The following CABLES1 variants were observed in gnomAD, a reference collection of about 807,000 sequenced individuals.
CABLES1 encodes Cdk5 and Abl enzyme substrate 1, also known as CDK5 and ABL1 enzyme substrate 1.
A neutral mutation model predicts 57.8 loss-of-function variants in CABLES1; 36 were observed. The observed-to-expected ratio is 0.62, with a 90% CI of 0.48 to 0.82. The LOEUF is 0.82. Ranked by LOEUF, CABLES1 falls within the 40% of genes least tolerant of loss-of-function variation. The pLI is 0.00. For synonymous variants in CABLES1, 374 were observed against 363.0 expected, an observed-to-expected ratio of 1.03 and a Z score of -0.35; for missense variants, 767 against 836.6, an observed-to-expected ratio of 0.92 and a Z score of 1.03.
intron 3 of CABLES1, chr18:23,197,127 G>T (rs2047290048): frequency 6.6e-6 from 1 of 152,240 alleles, no homozygotes; most frequent in African/African-American, 2.4e-5. Context: ...TTTTGAGACA[G>T]AAAGGGGAAA....
At chr18:23,147,765 A>C (rs2046900599) in intron 1 of CABLES1, among the ~76,000 whole-genome samples, 1 of 152,182 alleles carries the variant, frequency 6.6e-6, no homozygotes, top group Non-Finnish European at 1.5e-5. Flanking sequence ...GTACCTTTAG[A>C]GCAATGAGGC....
intron 4 of CABLES1, among the ~76,000 whole-genome samples, chr18:23,222,398 G>T (rs574514764): frequency 6.6e-6 from 1 of 151,984 alleles, no homozygotes; most frequent in Admixed American, 6.6e-5. Flanking sequence ...AATCCTCAAG[G>T]TATCTGCAGC....
At chr18:23,206,321 T>G (rs77791315) in intron 3 of CABLES1, among the ~76,000 whole-genome samples, 6,787 of 152,322 alleles carry the variant, frequency 0.045, 166 homozygotes, top group Middle Eastern at 0.078. Flanking sequence ...GCCTCACATT[T>G]GGACTCATGC....
chr18:23,203,698 T>C (rs2047342521), intron 3 of CABLES1, among the ~76,000 whole-genome samples: 1 of 152,068 alleles, frequency 6.6e-6, no homozygotes, highest in African/African-American at 2.4e-5. Context: ...GGAAGTGGCA[T>C]GTTTCAAAAA....
In CABLES1 at chr18:23,248,533, TTTTTTA is replaced by T. The variant is rs1463723551; in HGVS notation, c.1447-4426_1447-4421del. ...ATGTCTTTTTTTTTTTTTTTTTTTT[TTTTTTA>T]AAAAAAGGCTGGACGTGGTGGCTCA... is the stretch of plus-strand genomic sequence containing the variant. On this transcript the variant is annotated intron_variant, in intron 7 of 9. Transcript: ENST00000256925. 9.6e-3 allele frequency among the ~76,000 whole-genome samples: 1,312 copies of T among 137,172 alleles called. 32 individuals carry two copies. Among genetic ancestry groups the T allele is most frequent in the African/African-American group, 0.034 (1,232 of 36,574 alleles). The allele number at this position is 137,172 out of a possible 152,430, so 90.0% of individuals were successfully genotyped here.
At chr18:23,189,179 G>A (rs1401457750) in intron 2 of CABLES1, 1 of 386,618 alleles carries the variant, frequency 2.6e-6, no homozygotes, top group African/African-American at 2.1e-5. Context: ...TTTGTAAACT[G>A]CTGCTTAATG....
At chr18:23,240,624 G>C (rs953564384) in intron 7 of CABLES1, among the ~76,000 whole-genome samples, 1 of 152,226 alleles carries the variant, frequency 6.6e-6, no homozygotes, top group Non-Finnish European at 1.5e-5. Context: ...GAAGGAGCAG[G>C]CTTGTTGGTC....
intron 3 of CABLES1, among the ~76,000 whole-genome samples, chr18:23,207,099 C>T (rs2047369337): frequency 1.3e-5 from 2 of 152,150 alleles, no homozygotes; most frequent in South Asian, 4.1e-4. Context: ...ATGTGAGCCA[C>T]GGTGCCCAGC....
At chr18:23,249,217 C>T (rs528572273) in intron 7 of CABLES1, among the ~76,000 whole-genome samples, 16 of 152,342 alleles carry the variant, frequency 1.1e-4, no homozygotes, top group African/African-American at 3.6e-4. Flanking sequence ...TTTTTGGAAT[C>T]CTAGCTGCAA....
At chr18:23,225,629 G>A (rs553227970) in intron 4 of CABLES1, among the ~76,000 whole-genome samples, 1 of 152,344 alleles carries the variant, frequency 6.6e-6, no homozygotes, top group South Asian at 2.1e-4. Flanking sequence ...GATGAAGCTT[G>A]TAAATTATGC....
At chr18:23,234,213 C>T (rs1489082406) in intron 4 of CABLES1, among the ~76,000 whole-genome samples, 5 of 152,104 alleles carry the variant, frequency 3.3e-5, no homozygotes, top group African/African-American at 1.2e-4. Flanking sequence ...AGTGAAACTC[C>T]GTCTCAGAAC....
chr18:23,190,129 C>T (rs551924564), intron 2 of CABLES1, among the ~76,000 whole-genome samples: 1 of 152,306 alleles, frequency 6.6e-6, no homozygotes, highest in African/African-American at 2.4e-5. Context: ...AAGGCCATTT[C>T]CCTGCAGGAG....
chr18:23,140,639 T>C (rs560868161), intron 1 of CABLES1, among the ~76,000 whole-genome samples: 1 of 152,280 alleles, frequency 6.6e-6, no homozygotes, highest in African/African-American at 2.4e-5. Flanking sequence ...GGGTTCGCCA[T>C]GTTGGCCAGG....
rs572589139 is a variant in CABLES1 at position 23,203,824 on chromosome 18, G to A, written c.1010+9284G>A. Among the ~76,000 whole-genome samples the A allele has an allele frequency of 2.6e-5, 4 of 152,212 alleles. No individual in the cohort carries two copies. The South Asian group carries it at 6.2e-4, about 24-fold the overall frequency. On this transcript the variant is annotated intron_variant, in intron 3 of 9. Transcript: ENST00000256925. ...TGATAGAAGTCAAGCATCTTCTGTGGGGCACCTTGCAACACGGACCCTTTC... is the reference window on the plus strand; with the variant it reads ...TGATAGAAGTCAAGCATCTTCTGTGAGGCACCTTGCAACACGGACCCTTTC...
chr18:23,207,177 T>C (rs564609709), intron 3 of CABLES1, among the ~76,000 whole-genome samples: 1 of 152,230 alleles, frequency 6.6e-6, no homozygotes, highest in Admixed American at 6.5e-5. Context: ...CAGGATTAGG[T>C]CATATATAAG....
At chr18:23,163,550 G>A (rs1314602852) in intron 1 of CABLES1, among the ~76,000 whole-genome samples, 1 of 152,136 alleles carries the variant, frequency 6.6e-6, no homozygotes, top group Admixed American at 6.5e-5. Context: ...AGCCTGGGGG[G>A]CTGAGAGAAA....
chr18:23,187,110 C>G (rs1280537308), intron 1 of CABLES1, among the ~76,000 whole-genome samples: 1 of 152,224 alleles, frequency 6.6e-6, no homozygotes, highest in Non-Finnish European at 1.5e-5. Flanking sequence ...CCTGTAAAAT[C>G]AGTTCCCCAC....
rs1239237086 is a variant in CABLES1 at position 23,173,127 on chromosome 18, C to T, written c.846-15711C>T. Reference sequence around the variant, plus strand: ...GAGAGAGAGGGTGGATGAAATGTGGCTGTCAGCAGGTGCTGAGTGACACGC... The same window carrying T: ...GAGAGAGAGGGTGGATGAAATGTGGTTGTCAGCAGGTGCTGAGTGACACGC... On this transcript the variant is annotated intron_variant, in intron 1 of 9. Transcript: ENST00000256925. 2.0e-5 allele frequency among the ~76,000 whole-genome samples: 3 copies of T among 152,160 alleles called. No homozygotes were observed. In the East Asian group the frequency reaches 5.8e-4, roughly 29 times the overall value.
chr18:23,217,422 C>G (rs1486274790), intron 4 of CABLES1, among the ~76,000 whole-genome samples: 1 of 152,200 alleles, frequency 6.6e-6, no homozygotes, highest in Admixed American at 6.5e-5. Flanking sequence ...ATCTTCAGGT[C>G]CTTTGTCAGA....
Sources: allele counts gnomAD v4.1 joint callset (sites outside exome capture counted in the v4.1 genomes callset), GRCh38; gene constraint gnomAD v4.1.1; transcripts MANE v1.5; gene names NCBI Gene and HGNC (gene_info 2026-07-23, HGNC 2026-07-21).